The following MYO5B variants were observed in gnomAD, a reference collection of about 807,000 sequenced individuals.
The protein encoded by MYO5B is myosin VB.
A neutral mutation model predicts 229.3 loss-of-function variants in MYO5B; 143 were observed. The observed-to-expected ratio is 0.62, with a 90% CI of 0.54 to 0.72. MYO5B has a LOEUF of 0.72. Ranked by LOEUF, MYO5B falls within the 30% of genes least tolerant of loss-of-function variation. The pLI is 0.00. For missense variants in MYO5B, 2,321 were observed against 2,331.0 expected, an observed-to-expected ratio of 1.00 and a Z score of 0.09; for synonymous variants, 918 against 885.2, an observed-to-expected ratio of 1.04 and a Z score of -0.66.
At chr18:50,182,567 T>C (rs1022107247) in intron 1 of MYO5B, among the ~76,000 whole-genome samples, 6 of 152,258 alleles carry the variant, frequency 3.9e-5, no homozygotes, top group Non-Finnish European at 5.9e-5. Flanking sequence ...CTCACATCCA[T>C]GAATGTTACT....
chr18:49,901,839 T>C (rs1288283379), intron 21 of MYO5B, among the ~76,000 whole-genome samples: 1 of 152,218 alleles, frequency 6.6e-6, no homozygotes, highest in East Asian at 1.9e-4. Flanking sequence ...GGATGCCATG[T>C]GCCCTTCCAG....
intron 9 of MYO5B, among the ~76,000 whole-genome samples, chr18:49,975,086 C>T (rs755638641): frequency 6.6e-6 from 1 of 152,194 alleles, no homozygotes; most frequent in Non-Finnish European, 1.5e-5. Context: ...CAGTTTGCAT[C>T]TGCTGAGGTA....
chr18:49,842,591 T>C (rs1389134722), intron 34 of MYO5B, among the ~76,000 whole-genome samples: 3 of 152,220 alleles, frequency 2.0e-5, no homozygotes, highest in African/African-American at 7.2e-5. Context: ...CCCTCAAGAA[T>C]CTCACCTCCC....
chr18:50,122,438 C>CAAAAAAAAAAAAA (rs1328652260), intron 1 of MYO5B, among the ~76,000 whole-genome samples: 1 of 5,380 alleles, frequency 1.9e-4, no homozygotes. Context: ...CCTGTCTCAA[C>CAAAAAAAAAAAAA]TAAAAAAAAA....
chr18:49,858,076 G>A (rs1308325574), intron 29 of MYO5B, among the ~76,000 whole-genome samples: 1 of 152,054 alleles, frequency 6.6e-6, no homozygotes, highest in Non-Finnish European at 1.5e-5. Context: ...AAATCCTAAG[G>A]CCCCCCACCA....
chr18:49,854,543 G>A (rs2024238351), intron 30 of MYO5B, among the ~76,000 whole-genome samples: 2 of 152,224 alleles, frequency 1.3e-5, no homozygotes, highest in African/African-American at 4.8e-5. Context: ...CCGATTCAGT[G>A]CAGCAGGCTT....
At chr18:50,182,712 T>C (rs1298528490) in intron 1 of MYO5B, among the ~76,000 whole-genome samples, 1 of 152,222 alleles carries the variant, frequency 6.6e-6, no homozygotes, top group Non-Finnish European at 1.5e-5. Context: ...ACAGATGGGC[T>C]TTCTACTGGT....
intron 4 of MYO5B, among the ~76,000 whole-genome samples, chr18:50,035,676 C>T (rs1311636048): frequency 2.6e-5 from 4 of 152,142 alleles, no homozygotes. Flanking sequence ...CCTAGTTGAG[C>T]CCTGATAGCA....
chr18:50,021,568 G>T (rs1294705081), intron 4 of MYO5B, among the ~76,000 whole-genome samples: 1 of 152,146 alleles, frequency 6.6e-6, no homozygotes, highest in Non-Finnish European at 1.5e-5. Context: ...GTTACAAGAA[G>T]TATTAAAGAT....
At chr18:49,996,872 A>T (rs2025993445) in intron 5 of MYO5B, among the ~76,000 whole-genome samples, 1 of 152,260 alleles carries the variant, frequency 6.6e-6, no homozygotes, top group Non-Finnish European at 1.5e-5. Flanking sequence ...TGAAGTGGCT[A>T]AAGTATGTTG....
rs2023819273 is a variant in MYO5B at position 49,824,610 on chromosome 18, G to A, written c.*1861C>T. The A allele has an allele frequency of 6.6e-6, 1 of 152,116 alleles. No individual in the cohort carries two copies. Among genetic ancestry groups the A allele is most frequent in the South Asian group, 2.1e-4 (1 of 4,834 alleles). 9.4% of individuals were successfully genotyped at this position (152,116 alleles called of 1,614,324 possible). ...TCTTTTAAGGATGGTCCTTACATAA[G>A]AGACTCACTTTCAAACTAAAGTGCA... On this transcript the variant is annotated 3_prime_UTR_variant, in exon 40 of 40. Transcript: ENST00000285039.
intron 1 of MYO5B, among the ~76,000 whole-genome samples, chr18:50,188,705 C>T (rs755247683): frequency 6.8e-6 from 1 of 147,846 alleles, no homozygotes; most frequent in African/African-American, 2.5e-5. Flanking sequence ...CAGAATCACT[C>T]GAACCCAGGA....
intron 1 of MYO5B, among the ~76,000 whole-genome samples, chr18:50,066,834 G>A (rs553558086): frequency 5.9e-5 from 9 of 152,252 alleles, no homozygotes; most frequent in East Asian, 1.9e-4. Context: ...ATTTGGAACC[G>A]AATCATTCTC....
In MYO5B at chr18:49,974,532, C is replaced by G. The variant is rs2025724319; in HGVS notation, c.1140G>C (p.Lys380Asn). Residue 380 changes from lysine (K) to asparagine (N), a missense_variant, in exon 10 of 40, where the codon AAG becomes AAC. By Grantham distance (94) the Lys-to-Asn change is moderately conservative. Coordinates refer to ENST00000285039, the MANE Select transcript of MYO5B (RefSeq NM_001080467.3). Reference sequence around the variant, plus strand: ...CGTAGGTCTCCGAGGTGGTGACCAGCTTGCGATGACACAGCCAGTGCTCCA... The same window carrying G: ...CGTAGGTCTCCGAGGTGGTGACCAGGTTGCGATGACACAGCCAGTGCTCCA... ...SQMEHWLCHRKLVTTSETYVK... is the reference protein window; with the variant it reads ...SQMEHWLCHRNLVTTSETYVK... 2 of 1,614,168 alleles carry G rather than the reference C, an allele frequency of 1.2e-6. No homozygotes were observed. The highest frequency in any genetic ancestry group is 1.7e-6 in the Non-Finnish European group (2 of 1,180,026).
At chr18:50,187,200 A>G (rs2033160485) in intron 1 of MYO5B, among the ~76,000 whole-genome samples, 2 of 152,218 alleles carry the variant, frequency 1.3e-5, no homozygotes, top group South Asian at 4.1e-4. Context: ...CCTTAATAAA[A>G]CATTTATTGA....
intron 1 of MYO5B, among the ~76,000 whole-genome samples, chr18:50,122,079 T>C (rs1016526448): frequency 6.6e-6 from 1 of 152,218 alleles, no homozygotes; most frequent in Non-Finnish European, 1.5e-5. Context: ...AAGTGCATAA[T>C]TTAGTCTCAG....
At chr18:50,091,018 T>C (rs575770559) in intron 1 of MYO5B, among the ~76,000 whole-genome samples, 59 of 152,358 alleles carry the variant, frequency 3.9e-4, no homozygotes, top group Non-Finnish European at 7.1e-4. Context: ...TCATTTTAAG[T>C]TGCTTACCGG....
chr18:49,991,773 T>C (rs538312362), intron 6 of MYO5B, among the ~76,000 whole-genome samples: 1 of 152,288 alleles, frequency 6.6e-6, no homozygotes, highest in African/African-American at 2.4e-5. Context: ...TGTATACCTA[T>C]GTAACAAACC....
intron 9 of MYO5B, among the ~76,000 whole-genome samples, chr18:49,979,377 G>A (rs533755144): frequency 6.6e-6 from 1 of 152,314 alleles, no homozygotes; most frequent in East Asian, 1.9e-4. Flanking sequence ...AGGCCAGACA[G>A]GCCCAGGGGC....
Sources: gnomAD v4.1 joint callset for allele counts (sites outside exome capture counted in the v4.1 genomes callset) on GRCh38, gnomAD v4.1.1 for gene constraint, MANE v1.5 for transcripts, NCBI Gene and HGNC (gene_info 2026-07-23, HGNC 2026-07-21) for gene names.